Variants in CNTN1 observed in about 807,000 individuals in gnomAD.
CNTN1 encodes contactin-1.
In CNTN1, 38 loss-of-function variants were observed where a neutral mutation model predicts 126.4. The ratio of observed to expected loss-of-function variants is 0.30; its 90% CI spans 0.23 to 0.39. The LOEUF (loss-of-function observed/expected upper bound fraction) is 0.39. Ranked by LOEUF, CNTN1 falls within the 10% of genes least tolerant of loss-of-function variation. The probability of loss-of-function intolerance (pLI) is 1.00; values close to 1 mark genes in which losing one functional copy is unlikely to be tolerated. For missense variants in CNTN1, 1,009 were observed against 1,248.4 expected, an observed-to-expected ratio of 0.81 and a Z score of 2.89; for synonymous variants, 413 against 422.6, an observed-to-expected ratio of 0.98 and a Z score of 0.28.
chr12:40,756,716 G>A (rs1158757929), intron 1 of CNTN1, among the ~76,000 whole-genome samples: 1 of 152,084 alleles, frequency 6.6e-6, no homozygotes, highest in Non-Finnish European at 1.5e-5. Context: ...TTGTTCACAT[G>A]TCACCTCCAA....
intron 1 of CNTN1, among the ~76,000 whole-genome samples, chr12:40,866,597 A>T (rs1943307599): frequency 6.6e-6 from 1 of 152,120 alleles, no homozygotes; most frequent in Non-Finnish European, 1.5e-5. Context: ...TTCTATTAAT[A>T]TGATGTATTG....
At chr12:40,807,854 A>G (rs538004978) in intron 1 of CNTN1, among the ~76,000 whole-genome samples, 27 of 152,092 alleles carry the variant, frequency 1.8e-4, no homozygotes, top group Non-Finnish European at 2.4e-4. Flanking sequence ...ATTTTCTTTT[A>G]TCTCTTAATG....
At chr12:40,755,190 C>CAAAAAAAAAAAA (rs557970110) in intron 1 of CNTN1, among the ~76,000 whole-genome samples, 10 of 78,198 alleles carry the variant, frequency 1.3e-4, no homozygotes, top group African/African-American at 4.4e-4. Context: ...GACCCCACCT[C>CAAAAAAAAAAAA]AAAAAAAAAA....
chr12:40,723,078 G>T (rs370414842), intron 1 of CNTN1, among the ~76,000 whole-genome samples: 3 of 151,988 alleles, frequency 2.0e-5, no homozygotes, highest in Non-Finnish European at 2.9e-5. Flanking sequence ...AAAAGTAGCC[G>T]CCATAGAGAG....
intron 1 of CNTN1, among the ~76,000 whole-genome samples, chr12:40,847,526 G>T (rs1039753534): frequency 6.6e-6 from 1 of 152,058 alleles, no homozygotes; most frequent in Non-Finnish European, 1.5e-5. Context: ...GAAAAAAACT[G>T]AATTCACTAA....
chr12:40,901,712 A>G (rs1425160767), intron 1 of CNTN1, among the ~76,000 whole-genome samples: 4 of 152,186 alleles, frequency 2.6e-5, no homozygotes, highest in Non-Finnish European at 4.4e-5. Context: ...TGAACAACAT[A>G]TTTTATTCTG....
intron 1 of CNTN1, among the ~76,000 whole-genome samples, chr12:40,831,924 TGAG>T (rs1321039033): frequency 4.6e-5 from 7 of 152,008 alleles, no homozygotes; most frequent in Non-Finnish European, 8.8e-5. Context: ...ATAGGAGAAA[TGAG>T]GAATTATGCA....
At chr12:41,040,675 A>G (rs1401441276) in intron 23 of CNTN1, among the ~76,000 whole-genome samples, 1 of 152,060 alleles carries the variant, frequency 6.6e-6, no homozygotes, top group African/African-American at 2.4e-5. Flanking sequence ...TCTTTGAAGC[A>G]ATTGTGAATG....
At chr12:41,023,736 T>C (rs1235156707) in intron 20 of CNTN1, among the ~76,000 whole-genome samples, 1 of 152,244 alleles carries the variant, frequency 6.6e-6, no homozygotes, top group Non-Finnish European at 1.5e-5. Flanking sequence ...TAAATTATTA[T>C]GGTGAGCCGA....
intron 6 of CNTN1, among the ~76,000 whole-genome samples, chr12:40,925,570 C>CGT (rs1945623075): frequency 8.2e-6 from 1 of 122,442 alleles, no homozygotes; most frequent in African/African-American, 3.1e-5. Flanking sequence ...CGTATATATA[C>CGT]GTATATACGT....
intron 6 of CNTN1, among the ~76,000 whole-genome samples, chr12:40,927,013 C>T (rs1228443912): frequency 1.3e-5 from 2 of 151,930 alleles, no homozygotes; most frequent in Non-Finnish European, 2.9e-5. Flanking sequence ...GGTGGCAGTT[C>T]TATATGTGTG....
intron 23 of CNTN1, among the ~76,000 whole-genome samples, chr12:41,034,535 G>T (rs906163261): frequency 6.6e-6 from 1 of 152,164 alleles, no homozygotes; most frequent in African/African-American, 2.4e-5. Flanking sequence ...ATTACATTTA[G>T]TCTGTGATTA....
intron 23 of CNTN1, among the ~76,000 whole-genome samples, chr12:41,037,184 T>C (rs1342247211): frequency 1.3e-5 from 2 of 152,146 alleles, no homozygotes; most frequent in Non-Finnish European, 2.9e-5. Flanking sequence ...GTATGGTTTA[T>C]TTTTATGCAA....
At chr12:40,702,909 G>GT (rs1327559916) in intron 1 of CNTN1, among the ~76,000 whole-genome samples, 1 of 151,958 alleles carries the variant, frequency 6.6e-6, no homozygotes, top group South Asian at 2.1e-4. Context: ...TGTTTCCAAT[G>GT]TTTTTTAAAA....
At position 40,830,936 on chromosome 12, in the gene CNTN1, CATATATAT is replaced by C. The variant is rs10592424; in HGVS notation, c.-76-77401_-76-77394del. On this transcript the variant is annotated intron_variant, in intron 1 of 23. Transcript: ENST00000551295. ...TAAGTGGTAGTTACATATACATATACATATATATATATATATATATATATATACACACA... is the reference window on the plus strand; with the variant it reads ...TAAGTGGTAGTTACATATACATATACATATATATATATATATATACACACA... Among the ~76,000 whole-genome samples, 131 of 66,072 alleles carry C rather than the reference CATATATAT, an allele frequency of 2.0e-3. 1 individual carries two copies. The East Asian group carries it at 0.063, about 32-fold the overall frequency. The allele number at this position is 66,072 out of a possible 152,430, so 43.3% of individuals were successfully genotyped here.
intron 1 of CNTN1, chr12:40,729,882 C>G (rs1398395307): frequency 6.2e-6 from 1 of 161,554 alleles, no homozygotes; most frequent in Non-Finnish European, 1.4e-5. Context: ...AATAGCCTCA[C>G]TACATATCCC....
intron 1 of CNTN1, among the ~76,000 whole-genome samples, chr12:40,873,358 G>A (rs560814494): frequency 2.2e-4 from 33 of 152,144 alleles, no homozygotes; most frequent in African/African-American, 7.9e-4. Context: ...AAATGTATAA[G>A]ACATAAGCTT....
At chr12:40,934,307 T>C (rs933206521) in intron 9 of CNTN1, among the ~76,000 whole-genome samples, 3 of 152,024 alleles carry the variant, frequency 2.0e-5, no homozygotes, top group Non-Finnish European at 4.4e-5. Context: ...GGCCAAACTC[T>C]CAGAATTTTT....
chr12:40,927,383 T>A (rs1233354226), intron 6 of CNTN1, among the ~76,000 whole-genome samples: 5 of 152,048 alleles, frequency 3.3e-5, no homozygotes, highest in Non-Finnish European at 2.9e-5. Context: ...ATCTCATCCG[T>A]AAGTCGGAGA....
Sources: gnomAD v4.1 joint callset for allele counts (sites outside exome capture counted in the v4.1 genomes callset) on GRCh38, gnomAD v4.1.1 for gene constraint, MANE v1.5 for transcripts, NCBI Gene and HGNC (gene_info 2026-07-23, HGNC 2026-07-21) for gene names.